ACACA: variants seen among roughly 807,000 people sequenced by gnomAD.
The protein encoded by ACACA is acetyl-CoA carboxylase 1.
In ACACA, 103 loss-of-function variants were observed where a neutral mutation model predicts 296.1. The observed-to-expected ratio is 0.35, with a 90% CI of 0.30 to 0.41. The LOEUF (loss-of-function observed/expected upper bound fraction) is 0.41. Ranked by LOEUF, ACACA falls within the 10% of genes least tolerant of loss-of-function variation. ACACA has a pLI of 1.00. For missense variants in ACACA, 1,554 were observed against 2,989.7 expected, an observed-to-expected ratio of 0.52 and a Z score of 11.20; for synonymous variants, 953 against 1,038.6, an observed-to-expected ratio of 0.92 and a Z score of 1.58.
chr17:37,385,736 T>A (rs1484948651), intron 1 of ACACA, among the ~76,000 whole-genome samples: 1 of 152,214 alleles, frequency 6.6e-6, no homozygotes, highest in African/African-American at 2.4e-5. Flanking sequence ...GCCTAAATAA[T>A]GATAGGCAAT....
At chr17:37,258,995 A>C (rs994251058) in intron 12 of ACACA, among the ~76,000 whole-genome samples, 4 of 152,226 alleles carry the variant, frequency 2.6e-5, no homozygotes, top group Non-Finnish European at 4.4e-5. Context: ...CTAATCTCTG[A>C]TGCAGAATTA....
intron 3 of ACACA, among the ~76,000 whole-genome samples, chr17:37,290,614 C>T (rs151010477): frequency 8.1e-4 from 123 of 152,262 alleles, no homozygotes; most frequent in African/African-American, 2.8e-3. Context: ...ACTCTAAGTC[C>T]TTGAACTTGA....
chr17:37,380,661 G>A (rs1209931734), intron 1 of ACACA, among the ~76,000 whole-genome samples: 3 of 151,872 alleles, frequency 2.0e-5, no homozygotes, highest in Non-Finnish European at 1.5e-5. Context: ...CCAGTGGTGC[G>A]ATCTTGGCCC....
Position 37,258,302 on chromosome 17 carries a change from A to T in ACACA, c.1572T>A (p.Asp524Glu). ...CAGAATCTTCAAAATCAATGGGAGA[A>T]TCACCCCAGGGAGATACCCCATACA... ...RMMYGVSPWGDSPIDFEDSAH... is the reference protein window; with the variant it reads ...RMMYGVSPWGESPIDFEDSAH... Residue 524 changes from aspartate to glutamate, a missense_variant, in exon 13 of 56, where the codon GAT (aspartate) becomes GAA (glutamate). This residue lies in a region of ACACA where 37 missense variants were observed against 49.9 expected (regional missense o/e 0.74). Coordinates refer to ENST00000616317, the MANE Select transcript of ACACA (RefSeq NM_198834.3). The T allele has an allele frequency of 6.2e-7, 1 of 1,614,084 alleles. No homozygotes were observed. Among genetic ancestry groups the T allele is most frequent in the Admixed American group, 1.7e-5 (1 of 60,016 alleles).
chr17:37,129,420 A>G lies in ACACA; in HGVS notation c.5889T>C (p.Val1963=). 6.2e-7 allele frequency: 1 copy of G among 1,614,082 alleles called. No individual in the cohort carries two copies. Among genetic ancestry groups the G allele is most frequent in the Non-Finnish European group, 8.5e-7 (1 of 1,180,002 alleles). ...KDPIDRIIEF[V]PTKTPYDPRW... is the part of the protein sequence containing the mutation. ...GAGGATCGTATGGGGTCTTTGTGGG[A>G]ACAAACTCGATGATTCTGTCTATAG... Residue 1963 remains valine (V), a synonymous_variant, in exon 47 of 56, where the codon GTT becomes GTC. Coordinates refer to ENST00000616317, the MANE Select transcript of ACACA (RefSeq NM_198834.3).
At chr17:37,235,765 A>G (rs537009421) in intron 24 of ACACA, among the ~76,000 whole-genome samples, 3 of 152,292 alleles carry the variant, frequency 2.0e-5, no homozygotes, top group South Asian at 2.1e-4. Context: ...AACCCAAGGT[A>G]TAGATCAAGG....
At chr17:37,402,822 A>G (rs775539777) in intron 1 of ACACA, among the ~76,000 whole-genome samples, 9 of 151,756 alleles carry the variant, frequency 5.9e-5, no homozygotes, top group Non-Finnish European at 1.2e-4. Context: ...ACAGGCGCCC[A>G]CCACCACGCC....
intron 1 of ACACA, among the ~76,000 whole-genome samples, chr17:37,378,984 G>T (rs2050126727): frequency 6.6e-6 from 1 of 152,078 alleles, no homozygotes; most frequent in African/African-American, 2.4e-5. Flanking sequence ...TGGGAGGATT[G>T]CTTGGAGATC....
chr17:37,161,327 G>C (rs2076451384), intron 42 of ACACA, among the ~76,000 whole-genome samples: 1 of 152,188 alleles, frequency 6.6e-6, no homozygotes, highest in South Asian at 2.1e-4. Flanking sequence ...AAGAAAGACA[G>C]AAATCAGTCA....
intron 52 of ACACA, among the ~76,000 whole-genome samples, chr17:37,102,014 T>A (rs1464925510): frequency 2.7e-5 from 4 of 149,106 alleles, no homozygotes; most frequent in Non-Finnish European, 5.9e-5. Context: ...CACACCTACA[T>A]CTGGTCAGCT....
rs2072289031 is a variant in ACACA at position 37,087,516 on chromosome 17, A to G, written c.7029-77T>C. 9.0e-6 allele frequency: 14 copies of G among 1,560,940 alleles called. No homozygotes were observed. In the Admixed American group the frequency reaches 2.0e-4, roughly 23 times the overall value. On this transcript the variant is annotated intron_variant, in intron 55 of 55. Coordinates refer to ENST00000616317, the MANE Select transcript of ACACA (RefSeq NM_198834.3). ...ATGAGGACAGCTAAAGAACTGCCCA[A>G]TAAACATGTGTGCACCGTCCACTGC...
intron 3 of ACACA, among the ~76,000 whole-genome samples, chr17:37,314,950 CTT>C (rs71284913): frequency 4.1e-3 from 252 of 60,776 alleles, no homozygotes; most frequent in African/African-American, 6.8e-3. Context: ...GCCAGGAATG[CTT>C]TTTTTTTTTT....
chr17:37,318,010 A>G (rs2047176041), intron 3 of ACACA, among the ~76,000 whole-genome samples: 1 of 152,198 alleles, frequency 6.6e-6, no homozygotes, highest in Non-Finnish European at 1.5e-5. Context: ...TCAAGGAAGG[A>G]GCACTGAAAG....
chr17:37,267,466 C>G (rs990765155), intron 10 of ACACA, among the ~76,000 whole-genome samples: 1 of 152,204 alleles, frequency 6.6e-6, no homozygotes, highest in Non-Finnish European at 1.5e-5. Flanking sequence ...ACTACAAAAC[C>G]ATTGCAAATA....
chr17:37,258,808 C>T (rs889089347), intron 12 of ACACA, among the ~76,000 whole-genome samples: 3 of 152,136 alleles, frequency 2.0e-5, no homozygotes, highest in Admixed American at 1.3e-4. Flanking sequence ...AGAAGGTGTT[C>T]TCGATGTGGG....
chr17:37,274,805 G>T, intron 8 of ACACA: 1 of 305,984 alleles, frequency 3.3e-6, no homozygotes, highest in Non-Finnish European at 4.8e-6. Flanking sequence ...ATTCAAACAA[G>T]AACAAATTCA....
At chr17:37,280,756 C>CACACACAA (rs2082479871) in intron 5 of ACACA, among the ~76,000 whole-genome samples, 1 of 151,654 alleles carries the variant, frequency 6.6e-6, no homozygotes, top group East Asian at 1.9e-4. Context: ...CACACACACA[C>CACACACAA]ACACACCCCA....
At chr17:37,319,459 G>A (rs968070206) in intron 3 of ACACA, among the ~76,000 whole-genome samples, 3 of 152,076 alleles carry the variant, frequency 2.0e-5, no homozygotes, top group Admixed American at 6.6e-5. Context: ...ATATACAAGC[G>A]TTTATGTTTG....
At chr17:37,386,069 C>A in intron 1 of ACACA, 4 of 1,606,148 alleles carry the variant, frequency 2.5e-6, no homozygotes, top group Non-Finnish European at 2.6e-6. Flanking sequence ...ACTTTTCCCA[C>A]CACTGCCCCT....
Sources: gnomAD v4.1 joint callset for allele counts (sites outside exome capture counted in the v4.1 genomes callset) on GRCh38, gnomAD v4.1.1 for gene constraint, gnomAD v4.1.1 regional missense constraint, MANE v1.5 for transcripts, NCBI Gene and HGNC (gene_info 2026-07-23, HGNC 2026-07-21) for gene names.